The following NBEA variants were observed in gnomAD, a reference collection of about 807,000 sequenced individuals.
NBEA encodes the protein lysosomal-trafficking regulator 2.
A neutral mutation model predicts 343.4 loss-of-function variants in NBEA; 44 were observed. That is an observed-to-expected ratio of 0.13 (90% CI 0.10 to 0.16). The LOEUF (loss-of-function observed/expected upper bound fraction) is 0.16. NBEA is among the 10% of genes least tolerant of loss of function. The probability of loss-of-function intolerance (pLI) is 1.00; values close to 1 mark genes in which losing one functional copy is unlikely to be tolerated. For missense variants in NBEA, 2,555 were observed against 3,631.3 expected, an observed-to-expected ratio of 0.70 and a Z score of 7.62; for synonymous variants, 1,175 against 1,238.7, an observed-to-expected ratio of 0.95 and a Z score of 1.08.
intron 2 of NBEA, among the ~76,000 whole-genome samples, chr13:35,043,044 A>G (rs2062711735): frequency 1.3e-5 from 2 of 151,792 alleles, no homozygotes; most frequent in South Asian, 2.1e-4. Context: ...AATTACTTTC[A>G]ATCTTGTTCT....
intron 38 of NBEA, among the ~76,000 whole-genome samples, chr13:35,354,106 A>G (rs879215903): frequency 1.3e-5 from 2 of 152,312 alleles, no homozygotes; most frequent in African/African-American, 4.8e-5. Context: ...GATGTTAATC[A>G]TATCTACAAA....
chr13:35,516,228 T>C (rs992006224), intron 41 of NBEA, among the ~76,000 whole-genome samples: 7 of 152,174 alleles, frequency 4.6e-5, no homozygotes, highest in Non-Finnish European at 7.4e-5. Flanking sequence ...AGCAAGTTCC[T>C]ATATTCAGGA....
At chr13:35,134,880 C>T (rs1424053731) in intron 17 of NBEA, among the ~76,000 whole-genome samples, 1 of 151,792 alleles carries the variant, frequency 6.6e-6, no homozygotes, top group Non-Finnish European at 1.5e-5. Context: ...ATAAGGAAAG[C>T]CTTTTCAAAT....
At chr13:35,547,582 A>G (rs1193682061) in intron 41 of NBEA, among the ~76,000 whole-genome samples, 1 of 152,166 alleles carries the variant, frequency 6.6e-6, no homozygotes, top group East Asian at 1.9e-4. Context: ...CTAGTAAGAA[A>G]TAAAGATAAC....
At chr13:35,413,122 C>G (rs999944782) in intron 38 of NBEA, among the ~76,000 whole-genome samples, 4 of 151,992 alleles carry the variant, frequency 2.6e-5, no homozygotes, top group African/African-American at 9.7e-5. Flanking sequence ...AAATGTCTCA[C>G]TTCTGCTCAC....
At chr13:35,372,490 G>A (rs2041493166) in intron 38 of NBEA, among the ~76,000 whole-genome samples, 1 of 152,148 alleles carries the variant, frequency 6.6e-6, no homozygotes, top group African/African-American at 2.4e-5. Flanking sequence ...CAAGTATCCT[G>A]GTGATACATG....
intron 43 of NBEA, among the ~76,000 whole-genome samples, chr13:35,553,694 A>G (rs566464772): frequency 1.3e-4 from 20 of 152,312 alleles, no homozygotes; most frequent in African/African-American, 4.8e-4. Flanking sequence ...ACTCATGTTA[A>G]TAATCCATGA....
intron 30 of NBEA, among the ~76,000 whole-genome samples, chr13:35,192,370 CTGTT>C (rs368006268): frequency 6.6e-6 from 1 of 151,996 alleles, no homozygotes; most frequent in African/African-American, 2.4e-5. Flanking sequence ...GACTACTGAT[CTGTT>C]TTTTTATTGC....
chr13:35,671,052 C>A lies in NBEA; in HGVS notation c.*61C>A. 1.6e-6 allele frequency: 2 copies of A among 1,253,926 alleles called. No homozygotes were observed. Among genetic ancestry groups the A allele is most frequent in the Non-Finnish European group, 2.3e-6 (2 of 886,026 alleles). 77.7% of individuals were successfully genotyped at this position (1,253,926 alleles called of 1,614,324 possible). On this transcript the variant is annotated 3_prime_UTR_variant, in exon 59 of 59. Coordinates refer to ENST00000379939, the MANE Select transcript of NBEA (RefSeq NM_001385012.1). Reference sequence around the variant, plus strand: ...AGAGCACAAGTGCTGCATGGAAAGGCAATATCTCTGGTGGAAAAAACTCGT... The same window carrying A: ...AGAGCACAAGTGCTGCATGGAAAGGAAATATCTCTGGTGGAAAAAACTCGT...
intron 48 of NBEA, among the ~76,000 whole-genome samples, chr13:35,624,915 T>G (rs1018847606): frequency 9.9e-5 from 15 of 152,096 alleles, no homozygotes; most frequent in Non-Finnish European, 1.6e-4. Flanking sequence ...ACGGCAGCTT[T>G]ATGTCTTCGT....
intron 1 of NBEA, among the ~76,000 whole-genome samples, chr13:34,954,753 T>C (rs2059442326): frequency 6.6e-6 from 1 of 152,208 alleles, no homozygotes; most frequent in South Asian, 2.1e-4. Flanking sequence ...AGATTACTTA[T>C]AATACCTAAT....
chr13:35,352,210 C>A lies in NBEA; in HGVS notation c.6066C>A (p.Asp2022Glu). The A allele has an allele frequency of 1.3e-6, 2 of 1,543,768 alleles. No individual in the cohort carries two copies. Among genetic ancestry groups the A allele is most frequent in the African/African-American group, 1.4e-5 (1 of 72,718 alleles). ...GAAGAGAGGAAGAAAAGATGTGTGA[C>A]CATCTTATCAGTGCTGCTAAACATC... ...ADRREEEKMC[D>E]HLISAAKHRD... The change falls in exon 38 of 59, where the codon GAC (aspartate) becomes GAA (glutamate). Residue 2022 changes from aspartate to glutamate, a missense_variant. Around this residue, in one of 21 missense-constraint regions of NBEA, gnomAD observed 246 missense variants for 313.7 expected, o/e 0.78. Coordinates refer to ENST00000379939, the MANE Select transcript of NBEA (RefSeq NM_001385012.1).
chr13:35,293,250 A>G (rs1424351143), intron 35 of NBEA, among the ~76,000 whole-genome samples: 2 of 151,954 alleles, frequency 1.3e-5, no homozygotes, highest in East Asian at 1.9e-4. Flanking sequence ...CTACCCCCCA[A>G]TGTAATTTTT....
chr13:35,486,469 A>G (rs2076305296), intron 41 of NBEA, among the ~76,000 whole-genome samples: 1 of 152,106 alleles, frequency 6.6e-6, no homozygotes, highest in South Asian at 2.1e-4. Context: ...GATGGGTGAC[A>G]AGGAACAGGG....
chr13:35,204,281 A>G (rs1206763414), intron 31 of NBEA, among the ~76,000 whole-genome samples: 1 of 152,128 alleles, frequency 6.6e-6, no homozygotes, highest in Non-Finnish European at 1.5e-5. Context: ...TTGTTTTCAC[A>G]CTGCTGATAA....
intron 10 of NBEA, among the ~76,000 whole-genome samples, chr13:35,082,286 A>G (rs1191062267): frequency 6.6e-6 from 1 of 152,142 alleles, no homozygotes; most frequent in Non-Finnish European, 1.5e-5. Flanking sequence ...CATGGTGTAT[A>G]TGTGCCACAT....
intron 35 of NBEA, among the ~76,000 whole-genome samples, chr13:35,305,266 G>A (rs2036817377): frequency 6.6e-6 from 1 of 152,172 alleles, no homozygotes; most frequent in South Asian, 2.1e-4. Flanking sequence ...TCTAGTGCAT[G>A]TTAAGTATTC....
At chr13:35,469,173 T>C (rs1002272389) in intron 40 of NBEA, among the ~76,000 whole-genome samples, 3 of 151,866 alleles carry the variant, frequency 2.0e-5, no homozygotes, top group African/African-American at 7.2e-5. Context: ...ATTTCTGTGC[T>C]TGAAATTTTT....
chr13:35,550,798 A>G, intron 42 of NBEA, 132 bp from the exon 43 acceptor site: 1 of 662,472 alleles, frequency 1.5e-6, no homozygotes, highest in Non-Finnish European at 2.6e-6. Context: ...AGTTATACTG[A>G]AAGCTGATTT....
Sources: allele counts gnomAD v4.1 joint callset (sites outside exome capture counted in the v4.1 genomes callset), GRCh38; gene constraint gnomAD v4.1.1; regional missense constraint gnomAD v4.1.1; transcripts MANE v1.5; gene names NCBI Gene and HGNC (gene_info 2026-07-23, HGNC 2026-07-21).